FLACC1: variants seen among roughly 807,000 people sequenced by gnomAD.
The protein encoded by FLACC1 is flagellum associated containing coiled-coil domains 1.
A neutral mutation model predicts 62.8 loss-of-function variants in FLACC1; 66 were observed. That is an observed-to-expected ratio of 1.05 (90% CI 0.86 to 1.29). The LOEUF (loss-of-function observed/expected upper bound fraction) is 1.29, where lower values mean the gene tolerates loss of function less well. Among genes scored for constraint, FLACC1 ranks in the 50% most tolerant of loss-of-function variants. The pLI is 0.00. For synonymous variants in FLACC1, 156 were observed against 161.0 expected, an observed-to-expected ratio of 0.97 and a Z score of 0.24; for missense variants, 452 against 489.1, an observed-to-expected ratio of 0.92 and a Z score of 0.71.
At chr2:201,321,172 C>T (rs1009434069) in intron 9 of FLACC1, among the ~76,000 whole-genome samples, 1 of 152,212 alleles carries the variant, frequency 6.6e-6, no homozygotes, top group Non-Finnish European at 1.5e-5. Context: ...TGCTGCTACC[C>T]ACTGTTGGGA....
intron 1 of FLACC1, among the ~76,000 whole-genome samples, chr2:201,356,567 ATGT>A (rs1284494912): frequency 2.0e-5 from 3 of 152,250 alleles, no homozygotes; most frequent in Non-Finnish European, 4.4e-5. Context: ...CCTTCCAGAA[ATGT>A]TGTGAGTGCA....
intron 6 of FLACC1, among the ~76,000 whole-genome samples, 192 bp from the exon 7 acceptor site, chr2:201,342,623 A>G (rs1418481702): frequency 6.6e-6 from 1 of 152,160 alleles, no homozygotes; most frequent in African/African-American, 2.4e-5. Flanking sequence ...GAACAGAACA[A>G]TTTGTGCCTT....
upstream of FLACC1, among the ~76,000 whole-genome samples, chr2:201,358,813 G>A (rs994633067): frequency 2.0e-5 from 3 of 152,044 alleles, no homozygotes; most frequent in Admixed American, 1.3e-4. Context: ...CTCCTGCTTC[G>A]GCCTCCCAAA....
At chr2:201,330,601 C>T in intron 8 of FLACC1, 79 bp from the exon 9 acceptor site, 2 of 1,540,068 alleles carry the variant, frequency 1.3e-6, no homozygotes, top group Non-Finnish European at 1.8e-6. Context: ...AGTTCTTCTG[C>T]ACACCTTCCC....
chr2:201,302,183 C>A (rs943601392), intron 11 of FLACC1, among the ~76,000 whole-genome samples: 5 of 152,114 alleles, frequency 3.3e-5, no homozygotes, highest in Non-Finnish European at 7.4e-5. Context: ...ATGCAGGAGA[C>A]CCATCTCACG....
intron 9 of FLACC1, among the ~76,000 whole-genome samples, chr2:201,327,841 A>G (rs1451565765): frequency 6.6e-6 from 1 of 152,160 alleles, no homozygotes; most frequent in Non-Finnish European, 1.5e-5. Context: ...GTCATTACAG[A>G]AAAAGACACT....
In FLACC1 at chr2:201,289,735, G is replaced by A. The variant is rs1254245735; in HGVS notation, c.993C>T (p.Asn331=). The part of the protein sequence containing the change: ...HAQALILESL[N]TNLYYTQLEL... ...CCAACTGGGTATAGTAGAGGTTTGT[G>A]TTCAGTGACTCTAGGATAAGGGCTT... The change falls in exon 13 of 15, where the codon AAC becomes AAT. Residue 331 remains asparagine (N), a synonymous_variant. Transcript: ENST00000392257. 2 of 1,614,174 alleles carry A rather than the reference G, an allele frequency of 1.2e-6. No homozygotes were observed. The highest frequency in any genetic ancestry group is 1.6e-4 in the Middle Eastern group (1 of 6,062).
chr2:201,312,734 C>T (rs564583701), intron 9 of FLACC1, among the ~76,000 whole-genome samples: 66 of 152,236 alleles, frequency 4.3e-4, no homozygotes, highest in African/African-American at 1.4e-3. Flanking sequence ...AGCTCCCACT[C>T]GGATGGACAG....
intron 9 of FLACC1, among the ~76,000 whole-genome samples, chr2:201,322,470 AC>A (rs1482653978): frequency 1.3e-5 from 2 of 152,130 alleles, no homozygotes; most frequent in African/African-American, 4.8e-5. Flanking sequence ...AGGAACTATT[AC>A]AGAGTCTTCA....
chr2:201,297,138 C>G (rs1949882507), intron 12 of FLACC1, among the ~76,000 whole-genome samples: 1 of 152,126 alleles, frequency 6.6e-6, no homozygotes, highest in Non-Finnish European at 1.5e-5. Flanking sequence ...GGCTAAATCT[C>G]TGGTGGAAAA....
intron 9 of FLACC1, among the ~76,000 whole-genome samples, chr2:201,312,093 G>A (rs1269274360): frequency 6.6e-6 from 1 of 152,172 alleles, no homozygotes; most frequent in African/African-American, 2.4e-5. Context: ...CATTAGGCAA[G>A]AGAAAGAAAT....
chr2:201,301,269 A>G (rs1267557208), intron 11 of FLACC1, among the ~76,000 whole-genome samples: 1 of 152,210 alleles, frequency 6.6e-6, no homozygotes, highest in Non-Finnish European at 1.5e-5. Flanking sequence ...ATGGCACAAG[A>G]ACTATGTGAT....
At chr2:201,321,802 C>T (rs190419782) in intron 9 of FLACC1, among the ~76,000 whole-genome samples, 72 of 152,250 alleles carry the variant, frequency 4.7e-4, no homozygotes, top group Non-Finnish European at 9.9e-4. Flanking sequence ...CCAACCCTTA[C>T]CCCAGGTAAG....
chr2:201,328,177 TA>T (rs34144516), intron 9 of FLACC1, among the ~76,000 whole-genome samples: 128 of 145,678 alleles, frequency 8.8e-4, no homozygotes, highest in East Asian at 8.2e-3. Context: ...TGGCTTGTGA[TA>T]AAAAAAAAAC....
chr2:201,338,512 G>A (rs7597617), intron 7 of FLACC1, among the ~76,000 whole-genome samples: 95,065 of 151,876 alleles, frequency 0.63, 30,281 homozygotes, highest in South Asian at 0.79. Flanking sequence ...ACTTTTCCCT[G>A]TTCAGTATGA....
intron 12 of FLACC1, among the ~76,000 whole-genome samples, chr2:201,292,872 C>G (rs1455623111): frequency 1.3e-5 from 2 of 152,136 alleles, no homozygotes; most frequent in African/African-American, 4.8e-5. Context: ...GGTTGCAATA[C>G]TAGTCTCTGA....
intron 12 of FLACC1, among the ~76,000 whole-genome samples, chr2:201,294,051 G>C (rs1483605980): frequency 6.6e-6 from 1 of 152,112 alleles, no homozygotes; most frequent in African/African-American, 2.4e-5. Context: ...ACCAAAAAAA[G>C]TCCAGGACCA....
intron 4 of FLACC1, among the ~76,000 whole-genome samples, chr2:201,347,650 A>AAAC (rs1950943240): frequency 6.7e-6 from 1 of 148,742 alleles, no homozygotes; most frequent in Non-Finnish European, 1.5e-5. Flanking sequence ...AACAAAAAAA[A>AAAC]GAAAGAAAAG....
At chr2:201,295,777 A>C (rs1341811142) in intron 12 of FLACC1, among the ~76,000 whole-genome samples, 1 of 152,228 alleles carries the variant, frequency 6.6e-6, no homozygotes, top group African/African-American at 2.4e-5. Context: ...CAAAGGGTTA[A>C]TATTCCAGAA....
Sources: gnomAD v4.1 joint callset for allele counts (sites outside exome capture counted in the v4.1 genomes callset) on GRCh38, gnomAD v4.1.1 for gene constraint, MANE v1.5 for transcripts, NCBI Gene and HGNC (gene_info 2026-07-23, HGNC 2026-07-21) for gene names.